The following CORO7 variants were observed in gnomAD, a reference collection of about 807,000 sequenced individuals.
CORO7 encodes coronin-7.
A neutral mutation model predicts 126.6 loss-of-function variants in CORO7; 107 were observed. That is an observed-to-expected ratio of 0.85 (90% CI 0.72 to 0.99). The LOEUF is 0.99. Among genes scored for constraint, CORO7 ranks in the 50% least tolerant of loss-of-function variants. The probability of loss-of-function intolerance (pLI) is 0.00; values close to 1 mark genes in which losing one functional copy is unlikely to be tolerated. For missense variants in CORO7, 1,314 were observed against 1,255.8 expected (o/e 1.05, Z -0.70); for synonymous variants, 603 against 536.8 (o/e 1.12, Z -1.70).
rs373023916 is a variant in CORO7 at position 4,400,797 on chromosome 16, C to CAATAATAATAATAATAAT, written c.564+4676_564+4693dup. Among the ~76,000 whole-genome samples, 338 of 139,328 alleles carry CAATAATAATAATAATAAT rather than the reference C, an allele frequency of 2.4e-3. 1 individual carries two copies. Among genetic ancestry groups the CAATAATAATAATAATAAT allele is most frequent in the African/African-American group, 3.7e-3 (140 of 37,694 alleles). The allele number at this position is 139,328 out of a possible 152,430, so 91.4% of individuals were successfully genotyped here. A position where few individuals can be genotyped will look rare whatever the true frequency, so the allele number is the denominator to read the frequency against. ...ATCGTGCCAATGCACTCCAGCAGTGCAATAATAATAATAATAATAATAATA... is the reference window on the plus strand; with the variant it reads ...ATCGTGCCAATGCACTCCAGCAGTGCAATAATAATAATAATAATAATAATAATAATAATAATAATAATA... On this transcript the variant is annotated intron_variant, in intron 6 of 27. Coordinates refer to ENST00000251166, the MANE Select transcript of CORO7 (RefSeq NM_024535.5).
At chr16:4,363,451 AAT>A (rs2054248883) in intron 14 of CORO7, among the ~76,000 whole-genome samples, 1 of 152,028 alleles carries the variant, frequency 6.6e-6, no homozygotes, top group Non-Finnish European at 1.5e-5. Context: ...GCGCGCCTGT[AAT>A]CCCAGCACTT....
intron 7 of CORO7, among the ~76,000 whole-genome samples, chr16:4,390,508 C>A (rs1236152253): frequency 6.6e-6 from 1 of 152,158 alleles, no homozygotes; most frequent in African/African-American, 2.4e-5. Flanking sequence ...TAGGCGTGAG[C>A]CAGGTATGGG....
In CORO7 at chr16:4,395,296, G is replaced by A; in HGVS notation, c.608C>T (p.Ala203Val). 2.5e-6 allele frequency: 4 copies of A among 1,614,072 alleles called. No homozygotes were observed. The highest frequency in any genetic ancestry group is 3.4e-6 in the Non-Finnish European group (4 of 1,180,014). Residue 203 changes from alanine (A) to valine (V), a missense_variant, in exon 7 of 28, where the codon GCC (alanine) becomes GTC (valine). By Grantham distance (64) the Ala-to-Val change is moderately conservative. Coordinates refer to ENST00000251166, the MANE Select transcript of CORO7 (RefSeq NM_024535.5). ...RIFDPRTKPRASQSTQAHENS... is the reference protein window; with the variant it reads ...RIFDPRTKPRVSQSTQAHENS... ...CTTGCCCACACAACTCACCTGAGAGGCCCGCGGCTTTGTTCTGGGGTCAAA... is the reference window on the plus strand; with the variant it reads ...CTTGCCCACACAACTCACCTGAGAGACCCGCGGCTTTGTTCTGGGGTCAAA...
rs755009359 is a variant in CORO7 at position 4,360,374 on chromosome 16, A to C, written c.2023-11T>G. ...GGGCCCTGGGCCTTCCTGTTGAGATACATCGCGTGACACCCAGCCAGCACC... is the reference window on the plus strand; with the variant it reads ...GGGCCCTGGGCCTTCCTGTTGAGATCCATCGCGTGACACCCAGCCAGCACC... On this transcript the variant is annotated splice_polypyrimidine_tract_variant and intron_variant, in intron 20 of 27. Transcript: ENST00000251166. The C allele has an allele frequency of 6.2e-7, 1 of 1,613,340 alleles. No homozygotes were observed. The highest frequency in any genetic ancestry group is 1.3e-5 in the African/African-American group (1 of 74,904).
At chr16:4,383,068 C>A in intron 9 of CORO7, 1 of 706,046 alleles carries the variant, frequency 1.4e-6, no homozygotes, top group South Asian at 2.4e-5. Flanking sequence ...GTCTCCTCAT[C>A]TGTGAGATGC....
chr16:4,398,558 C>T (rs1185577934), intron 6 of CORO7, among the ~76,000 whole-genome samples: 1 of 150,942 alleles, frequency 6.6e-6, no homozygotes, highest in African/African-American at 2.4e-5. Flanking sequence ...ACCAGCTACT[C>T]GGGAGGCTGA....
chr16:4,380,401 C>T (rs1336160069), intron 9 of CORO7, among the ~76,000 whole-genome samples: 2 of 152,262 alleles, frequency 1.3e-5, no homozygotes, highest in South Asian at 2.1e-4. Context: ...GGGCGGGACA[C>T]GGAGCGTGGC....
intron 9 of CORO7, among the ~76,000 whole-genome samples, chr16:4,366,264 C>T (rs1041755303): frequency 2.0e-5 from 3 of 152,290 alleles, no homozygotes; most frequent in Admixed American, 6.5e-5. Context: ...AGGAGCAGGG[C>T]GGGGTGGCAG....
At chr16:4,407,834 G>C in intron 4 of CORO7, 150 bp from the exon 5 acceptor site, 1 of 1,004,900 alleles carries the variant, frequency 1.0e-6, no homozygotes. Flanking sequence ...ACCCGCCTCA[G>C]CTTGCTTGGG....
rs1567238397 is a variant in CORO7 at position 4,355,270 on chromosome 16, G to GCCACTCACTACTCAC, written c.2772+1_2772+15dup. 5.0e-6 allele frequency: 8 copies of GCCACTCACTACTCAC among 1,612,970 alleles called. No individual in the cohort carries two copies. Among genetic ancestry groups the GCCACTCACTACTCAC allele is most frequent in the African/African-American group, 2.7e-5 (2 of 74,876 alleles). On this transcript the variant is annotated intron_variant, in intron 27 of 27. Coordinates refer to ENST00000251166, the MANE Select transcript of CORO7 (RefSeq NM_024535.5). ...ACCGCGCTGCCTGCCGGGAAGTGAG[G>GCCACTCACTACTCAC]CCACTCACTACTCACCCACTCGTCC...
chr16:4,384,759 C>G (rs895511259), intron 9 of CORO7, among the ~76,000 whole-genome samples: 1 of 152,164 alleles, frequency 6.6e-6, no homozygotes, highest in African/African-American at 2.4e-5. Flanking sequence ...GGGGCCCCTT[C>G]TTCCTGAGGC....
Position 4,354,851 on chromosome 16 carries a change from G to C in CORO7, c.*307C>G, listed in dbSNP as rs567354425. The C allele has an allele frequency of 3.8e-4, 155 of 404,044 alleles. No homozygotes were observed. Among genetic ancestry groups the C allele is most frequent in the African/African-American group, 3.0e-3 (150 of 49,604 alleles). 25.0% of individuals were successfully genotyped at this position (404,044 alleles called of 1,614,324 possible). A position where few individuals can be genotyped will look rare whatever the true frequency, so the allele number is the denominator to read the frequency against. On this transcript the variant is annotated 3_prime_UTR_variant, in exon 28 of 28. Coordinates refer to ENST00000251166, the MANE Select transcript of CORO7 (RefSeq NM_024535.5). The stretch of plus-strand genomic sequence containing the variant: ...TGGGACCAGCCCAGGTCAGCAGTGA[G>C]ACCAGGGGAGACAGGGTGCCCAGGG...
At chr16:4,373,956 G>A (rs1420104721) in intron 9 of CORO7, among the ~76,000 whole-genome samples, 1 of 152,190 alleles carries the variant, frequency 6.6e-6, no homozygotes, top group Non-Finnish European at 1.5e-5. Context: ...ACCTCTCCTG[G>A]ACCCCCCATC....
At chr16:4,409,444 G>A (rs1024898482) in intron 3 of CORO7, among the ~76,000 whole-genome samples, 3 of 152,242 alleles carry the variant, frequency 2.0e-5, no homozygotes, top group African/African-American at 7.2e-5. Flanking sequence ...GAGATGTGAT[G>A]ACATAAGCAA....
intron 9 of CORO7, among the ~76,000 whole-genome samples, chr16:4,369,349 C>G (rs998197845): frequency 1.3e-5 from 2 of 152,244 alleles, no homozygotes; most frequent in Admixed American, 6.5e-5. Context: ...GGGTCTGGAA[C>G]ATGGTACATG....
intron 6 of CORO7, among the ~76,000 whole-genome samples, chr16:4,400,568 G>T (rs139150493): frequency 7.9e-5 from 12 of 152,290 alleles, no homozygotes; most frequent in African/African-American, 2.9e-4. Context: ...GGGAGGCAGA[G>T]GTTGCGGTGA....
chr16:4,405,804 C>T (rs547244966), intron 5 of CORO7, among the ~76,000 whole-genome samples: 4 of 145,254 alleles, frequency 2.8e-5, no homozygotes, highest in East Asian at 3.9e-4. Flanking sequence ...CGAGGCTTCC[C>T]GCTCCTGGCC....
intron 6 of CORO7, among the ~76,000 whole-genome samples, chr16:4,402,323 C>T (rs754617801): frequency 4.6e-5 from 7 of 152,040 alleles, no homozygotes; most frequent in Non-Finnish European, 1.0e-4. Flanking sequence ...TGGCTCAATC[C>T]GAGCTCACTT....
chr16:4,400,682 T>C (rs1010067059), intron 6 of CORO7, among the ~76,000 whole-genome samples: 9 of 151,544 alleles, frequency 5.9e-5, no homozygotes, highest in Non-Finnish European at 1.5e-5. Flanking sequence ...TAGCCGGGTG[T>C]GGTGGCACGT....
Sources: allele counts gnomAD v4.1 joint callset (sites outside exome capture counted in the v4.1 genomes callset), GRCh38; gene constraint gnomAD v4.1.1; transcripts MANE v1.5; gene names NCBI Gene and HGNC (gene_info 2026-07-23, HGNC 2026-07-21).